VTI1A: variants seen among roughly 807,000 people sequenced by gnomAD.
VTI1A encodes the protein vesicle transport through interaction with t-SNAREs 1A.
VTI1A carries 22 observed loss-of-function variants against 34.9 expected under a neutral mutation model. The ratio of observed to expected loss-of-function variants is 0.63; its 90% CI spans 0.45 to 0.90. VTI1A has a LOEUF of 0.90. Ranked by LOEUF, VTI1A falls within the 40% of genes least tolerant of loss-of-function variation. The probability of loss-of-function intolerance (pLI) is 0.00; values close to 1 mark genes in which losing one functional copy is unlikely to be tolerated. For missense variants in VTI1A, 268 were observed against 275.6 expected (o/e 0.97, Z 0.20); for synonymous variants, 87 against 97.3 (o/e 0.89, Z 0.62).
intron 3 of VTI1A, among the ~76,000 whole-genome samples, chr10:112,506,570 T>G (rs2134168105): frequency 6.6e-6 from 1 of 152,348 alleles, no homozygotes; most frequent in Admixed American, 6.5e-5. Flanking sequence ...ACACTGGAAT[T>G]CCATTCACCT....
At chr10:112,744,555 C>T (rs756081208) in intron 7 of VTI1A, among the ~76,000 whole-genome samples, 9 of 150,658 alleles carry the variant, frequency 6.0e-5, no homozygotes, top group Admixed American at 2.0e-4. Flanking sequence ...AGCGATCTTC[C>T]CACCTCAGCC....
chr10:112,758,188 G>T (rs1205358132), intron 7 of VTI1A, among the ~76,000 whole-genome samples: 1 of 152,202 alleles, frequency 6.6e-6, no homozygotes, highest in African/African-American at 2.4e-5. Context: ...GAACAGGAAA[G>T]CTCATAGAGG....
intron 7 of VTI1A, among the ~76,000 whole-genome samples, chr10:112,689,369 C>T (rs1461062092): frequency 6.6e-6 from 1 of 152,168 alleles, no homozygotes; most frequent in Non-Finnish European, 1.5e-5. Context: ...TGTAATGTGT[C>T]TCCACCTTGC....
intron 5 of VTI1A, among the ~76,000 whole-genome samples, chr10:112,643,580 T>A (rs1010537859): frequency 2.6e-5 from 4 of 152,034 alleles, no homozygotes; most frequent in African/African-American, 9.7e-5. Flanking sequence ...AAAAAAAAAA[T>A]TATCCTTTTT....
intron 7 of VTI1A, among the ~76,000 whole-genome samples, chr10:112,711,788 ACT>A (rs1203264214): frequency 6.6e-6 from 1 of 152,178 alleles, no homozygotes; most frequent in East Asian, 1.9e-4. Context: ...CAGAAAATGA[ACT>A]CTCTAACCAG....
At chr10:112,687,948 CTTTTTTTTTT>C (rs11442025) in intron 7 of VTI1A, among the ~76,000 whole-genome samples, 1 of 115,574 alleles carries the variant, frequency 8.7e-6, no homozygotes, top group Admixed American at 8.8e-5. Flanking sequence ...GTGACCAAGT[CTTTTTTTTTT>C]TTTTTTTTTT....
At chr10:112,603,618 A>C (rs1844961560) in intron 5 of VTI1A, among the ~76,000 whole-genome samples, 1 of 152,130 alleles carries the variant, frequency 6.6e-6, no homozygotes, top group African/African-American at 2.4e-5. Flanking sequence ...TTTGGATCTC[A>C]AAATATATCC....
At chr10:112,562,416 G>A (rs1317079248) in intron 5 of VTI1A, among the ~76,000 whole-genome samples, 1 of 151,956 alleles carries the variant, frequency 6.6e-6, no homozygotes, top group Non-Finnish European at 1.5e-5. Context: ...GGATAATTAA[G>A]TCAATATTAC....
chr10:112,548,180 C>CT (rs1363890853), intron 5 of VTI1A, among the ~76,000 whole-genome samples: 1 of 152,128 alleles, frequency 6.6e-6, no homozygotes, highest in Non-Finnish European at 1.5e-5. Flanking sequence ...CGCCTTCTGT[C>CT]TTTTGGTTCT....
chr10:112,806,610 G>A (rs1386122890), intron 7 of VTI1A, among the ~76,000 whole-genome samples: 2 of 150,048 alleles, frequency 1.3e-5, no homozygotes, highest in Non-Finnish European at 3.0e-5. Flanking sequence ...TTTTGAGATA[G>A]GGTCTCACTC....
chr10:112,582,694 G>A (rs139634952), intron 5 of VTI1A, among the ~76,000 whole-genome samples: 3 of 152,260 alleles, frequency 2.0e-5, no homozygotes, highest in East Asian at 1.9e-4. Context: ...TAAACTTGAA[G>A]TGTTCTAAAT....
chr10:112,527,306 T>A, intron 4 of VTI1A, 142 bp downstream of exon 4: 1 of 564,212 alleles, frequency 1.8e-6, no homozygotes, highest in Non-Finnish European at 3.1e-6. Flanking sequence ...GCTGGAGTCT[T>A]AATCAACTTC....
chr10:112,833,106 G>GA, the VTI1A span, among the ~76,000 whole-genome samples: 2 of 152,124 alleles, frequency 1.3e-5, no homozygotes, highest in Non-Finnish European at 2.9e-5. Context: ...TGCCAGGGAG[G>GA]ACAGGCATGT....
chr10:112,602,975 G>A (rs773882159), intron 5 of VTI1A, among the ~76,000 whole-genome samples: 1 of 152,170 alleles, frequency 6.6e-6, no homozygotes. Flanking sequence ...GTGCATGATT[G>A]AAACATTTTC....
chr10:112,694,190 A>G (rs1848702813), intron 7 of VTI1A, among the ~76,000 whole-genome samples: 1 of 152,146 alleles, frequency 6.6e-6, no homozygotes, highest in African/African-American at 2.4e-5. Context: ...TGGGCGACAG[A>G]GTGATACTCC....
intron 3 of VTI1A, 41 bp from the exon 4 acceptor site, chr10:112,527,046 A>G (rs759563130): frequency 5.0e-6 from 8 of 1,599,418 alleles, no homozygotes; most frequent in Non-Finnish European, 6.8e-6. Flanking sequence ...TTTACTTTCT[A>G]ACGTTCCTCT....
chr10:112,522,412 G>A (rs1476717481), intron 3 of VTI1A, among the ~76,000 whole-genome samples: 1 of 152,008 alleles, frequency 6.6e-6, no homozygotes, highest in Non-Finnish European at 1.5e-5. Context: ...AAACCATACT[G>A]CACTCTGTAT....
chr10:112,546,157 G>A (rs1851111855), intron 5 of VTI1A, among the ~76,000 whole-genome samples: 1 of 150,968 alleles, frequency 6.6e-6, no homozygotes, highest in East Asian at 2.0e-4. Flanking sequence ...GTATATATGT[G>A]TGTATATATA....
intron 7 of VTI1A, among the ~76,000 whole-genome samples, chr10:112,679,921 T>A (rs1848158663): frequency 6.6e-6 from 1 of 152,204 alleles, no homozygotes; most frequent in African/African-American, 2.4e-5. Flanking sequence ...CTTGAATCTC[T>A]GAAGTTTTCT....
Sources: allele counts gnomAD v4.1 joint callset (sites outside exome capture counted in the v4.1 genomes callset), GRCh38; gene constraint gnomAD v4.1.1; transcripts MANE v1.5; gene names NCBI Gene and HGNC (gene_info 2026-07-23, HGNC 2026-07-21).